Variants in MTA3 observed in about 807,000 individuals in gnomAD.
The protein encoded by MTA3 is metastasis associated 1 family member 3.
A neutral mutation model predicts 83.5 loss-of-function variants in MTA3; 34 were observed. The observed-to-expected ratio is 0.41, with a 90% CI of 0.31 to 0.54. The LOEUF (loss-of-function observed/expected upper bound fraction) is 0.54. Among genes scored for constraint, MTA3 ranks in the 20% least tolerant of loss-of-function variants. The pLI is 0.33. For synonymous variants in MTA3, 303 were observed against 252.7 expected, an observed-to-expected ratio of 1.20 and a Z score of -1.89; for missense variants, 761 against 726.4, an observed-to-expected ratio of 1.05 and a Z score of -0.55.
intron 6 of MTA3, among the ~76,000 whole-genome samples, chr2:42,645,786 A>G (rs947320437): frequency 7.2e-5 from 11 of 152,244 alleles, no homozygotes; most frequent in Admixed American, 7.2e-4. Flanking sequence ...TCATCATAAC[A>G]TAAAAATGCA....
At position 42,756,421 on chromosome 2, in the gene MTA3, TCAGTCCC is replaced by T. The variant is rs1171709379; in HGVS notation, c.*3024_*3030del. ...AGCCTGGGACAGGCGACCCACCGGG[TCAGTCCC>T]CTGCCACTCAGAGCAGAGCAGGGGG... On this transcript the variant is annotated 3_prime_UTR_variant, in exon 17 of 17. Coordinates refer to ENST00000405094, the MANE Select transcript of MTA3 (RefSeq NM_001330442.2). 2.0e-6 allele frequency: 2 copies of T among 979,058 alleles called. No homozygotes were observed. The highest frequency in any genetic ancestry group is 2.3e-4 in the East Asian group (2 of 8,778). 60.6% of individuals were successfully genotyped at this position (979,058 alleles called of 1,614,324 possible).
intron 2 of MTA3, among the ~76,000 whole-genome samples, chr2:42,559,547 T>G (rs1558435646): frequency 6.6e-6 from 1 of 151,174 alleles, no homozygotes; most frequent in Non-Finnish European, 1.5e-5. Context: ...ATCTCTTATA[T>G]TCAATCCTTC....
At chr2:42,636,626 C>CTT (rs869057645) in intron 4 of MTA3, among the ~76,000 whole-genome samples, 26 of 130,046 alleles carry the variant, frequency 2.0e-4, no homozygotes, top group African/African-American at 4.0e-4. Flanking sequence ...CTCTTTCTTT[C>CTT]TTTTTTTTTT....
At chr2:42,662,923 G>T (rs910501968) in intron 8 of MTA3, among the ~76,000 whole-genome samples, 1 of 151,896 alleles carries the variant, frequency 6.6e-6, no homozygotes, top group Admixed American at 6.6e-5. Flanking sequence ...GTAGAGACGG[G>T]TTTCACCGTG....
intron 4 of MTA3, among the ~76,000 whole-genome samples, chr2:42,621,095 A>T (rs1034240215): frequency 5.0e-5 from 6 of 119,486 alleles, no homozygotes; most frequent in African/African-American, 1.8e-4. Context: ...CATTGAAGCA[A>T]TTTGCAAAAA....
At chr2:42,701,556 C>T (rs2104486836) in intron 11 of MTA3, among the ~76,000 whole-genome samples, 1 of 152,010 alleles carries the variant, frequency 6.6e-6, no homozygotes, top group South Asian at 2.1e-4. Flanking sequence ...GTGATCACAC[C>T]ACTACACACC....
chr2:42,571,062 A>G (rs568467630), intron 2 of MTA3, among the ~76,000 whole-genome samples: 3 of 152,120 alleles, frequency 2.0e-5, no homozygotes, highest in African/African-American at 7.2e-5. Context: ...AAGGGGCATA[A>G]GAGATGATTT....
chr2:42,717,971 G>A (rs1573743551), intron 14 of MTA3, among the ~76,000 whole-genome samples: 1 of 152,258 alleles, frequency 6.6e-6, no homozygotes, highest in African/African-American at 2.4e-5. Context: ...AAATGCCATG[G>A]CTAGAAATGA....
rs149418330 is a variant in MTA3 at position 42,504,176 on chromosome 2, C to T, written c.-141+8922C>T. On this transcript the variant is annotated intron_variant, in intron 2 of 17. Coordinates refer to the MTA3 transcript ENST00000405592. ...AACTCCTAACCTCAGGTGATCCATC[C>T]GCCTTGGCCTCCCAAAGTGCTGGGT... 6.3e-3 allele frequency among the ~76,000 whole-genome samples: 963 copies of T among 151,810 alleles called. 33 individuals are homozygous for T. In the East Asian group the frequency reaches 0.065, roughly 10 times the overall value.
chr2:42,623,233 G>A lies in MTA3; in HGVS notation c.317+13649G>A, dbSNP rs558151291. ...ATGCCATACCTGTGAAGGACACCTG[G>A]ATCCTGGCGTGTGCCTTGGAATGCA... On this transcript the variant is annotated intron_variant, in intron 4 of 16. Coordinates refer to ENST00000405094, the MANE Select transcript of MTA3 (RefSeq NM_001330442.2). Among the ~76,000 whole-genome samples the A allele has an allele frequency of 7.3e-4, 111 of 152,356 alleles. 1 individual carries two copies. Among genetic ancestry groups the A allele is most frequent in the African/African-American group, 2.5e-3 (106 of 41,580 alleles).
In MTA3 at chr2:42,755,919, G is replaced by C; in HGVS notation, c.*2520G>C. 1 of 985,564 alleles carries C rather than the reference G, an allele frequency of 1.0e-6. No homozygotes were observed. Among genetic ancestry groups the C allele is most frequent in the Admixed American group, 6.1e-5 (1 of 16,286 alleles). The allele number at this position is 985,564 out of a possible 1,614,324, so 61.1% of individuals were successfully genotyped here. On this transcript the variant is annotated 3_prime_UTR_variant, in exon 17 of 17. Coordinates refer to ENST00000405094, the MANE Select transcript of MTA3 (RefSeq NM_001330442.2). ...CCCACCCTTCACTTCTTAAAGGTGCGCAAGAGAGGAGGGCCGACTGGAGGG... is the reference window on the plus strand; with the variant it reads ...CCCACCCTTCACTTCTTAAAGGTGCCCAAGAGAGGAGGGCCGACTGGAGGG...
intron 15 of MTA3, among the ~76,000 whole-genome samples, chr2:42,721,015 C>T (rs909572876): frequency 6.6e-6 from 1 of 150,636 alleles, no homozygotes; most frequent in Non-Finnish European, 1.5e-5. Flanking sequence ...ATTAGCCTTT[C>T]CAAGAATAAT....
intron 2 of MTA3, among the ~76,000 whole-genome samples, chr2:42,499,094 GA>G (rs1674278557): frequency 6.6e-6 from 1 of 152,098 alleles, no homozygotes; most frequent in African/African-American, 2.4e-5. Flanking sequence ...ATAAGTCCTA[GA>G]GATCTACGAT....
intron 3 of MTA3, among the ~76,000 whole-genome samples, chr2:42,588,175 C>T (rs1380912096): frequency 6.6e-6 from 1 of 152,082 alleles, no homozygotes; most frequent in Non-Finnish European, 1.5e-5. Flanking sequence ...AATAATATAC[C>T]TCATTGCTAG....
chr2:42,502,662 T>C (rs927311798), intron 2 of MTA3, among the ~76,000 whole-genome samples: 1 of 151,856 alleles, frequency 6.6e-6, no homozygotes, highest in Non-Finnish European at 1.5e-5. Flanking sequence ...GCCGGTGTAG[T>C]GGCGCATGCC....
intron 11 of MTA3, among the ~76,000 whole-genome samples, chr2:42,699,636 C>T (rs1234258409): frequency 2.0e-5 from 3 of 152,006 alleles, no homozygotes; most frequent in African/African-American, 4.8e-5. Context: ...ACTTTTATGG[C>T]GGGCGGGGGT....
chr2:42,551,132 A>T (rs888014789), intron 2 of MTA3, among the ~76,000 whole-genome samples: 1 of 152,126 alleles, frequency 6.6e-6, no homozygotes, highest in East Asian at 1.9e-4. Context: ...CTTTCTCTCC[A>T]AAACAGCTTT....
chr2:42,638,594 T>C (rs1271380040), intron 4 of MTA3, among the ~76,000 whole-genome samples: 1 of 152,050 alleles, frequency 6.6e-6, no homozygotes, highest in African/African-American at 2.4e-5. Flanking sequence ...CTCAAACTCC[T>C]GGGCTCAAGC....
intron 3 of MTA3, among the ~76,000 whole-genome samples, chr2:42,594,422 G>A (rs1681438770): frequency 6.7e-6 from 1 of 150,158 alleles, no homozygotes; most frequent in Non-Finnish European, 1.5e-5. Flanking sequence ...GTTTTTAGTA[G>A]AGACAGGGTT....
Sources: allele counts gnomAD v4.1 joint callset (sites outside exome capture counted in the v4.1 genomes callset), GRCh38; gene constraint gnomAD v4.1.1; transcripts MANE v1.5; gene names NCBI Gene and HGNC (gene_info 2026-07-23, HGNC 2026-07-21).